Variants in MAD1L1 observed in about 807,000 individuals in gnomAD.
MAD1L1 encodes the protein mitotic arrest deficient 1 like 1.
A neutral mutation model predicts 96.9 loss-of-function variants in MAD1L1; 95 were observed. The observed-to-expected ratio is 0.98, with a 90% CI of 0.83 to 1.16. The LOEUF (loss-of-function observed/expected upper bound fraction) is 1.16, where lower values mean the gene tolerates loss of function less well. MAD1L1 is among the 50% of genes most tolerant of loss of function. MAD1L1 has a pLI of 0.00. For synonymous variants in MAD1L1, 473 were observed against 396.6 expected, an observed-to-expected ratio of 1.19 and a Z score of -2.29; for missense variants, 1,007 against 954.4, an observed-to-expected ratio of 1.06 and a Z score of -0.73.
chr7:2,098,871 G>T (rs1786635875), intron 11 of MAD1L1, among the ~76,000 whole-genome samples: 1 of 152,202 alleles, frequency 6.6e-6, no homozygotes, highest in Non-Finnish European at 1.5e-5. Context: ...GCCCCTGGAG[G>T]GCCAAATAAA....
chr7:1,825,426 G>C (rs1433627616), intron 18 of MAD1L1, among the ~76,000 whole-genome samples: 1 of 152,250 alleles, frequency 6.6e-6, no homozygotes, highest in Admixed American at 6.5e-5. Flanking sequence ...GGGTCACAGC[G>C]TGAGCCCAGC....
At chr7:2,078,662 G>A (rs550837250) in intron 11 of MAD1L1, among the ~76,000 whole-genome samples, 1 of 152,332 alleles carries the variant, frequency 6.6e-6, no homozygotes, top group Non-Finnish European at 1.5e-5. Flanking sequence ...CGGCTGCAGG[G>A]GGTGCTCCTG....
intron 12 of MAD1L1, among the ~76,000 whole-genome samples, chr7:2,046,854 C>G (rs1163738055): frequency 4.6e-5 from 7 of 152,192 alleles, no homozygotes; most frequent in Non-Finnish European, 1.5e-5. Context: ...GGAGGAGGAG[C>G]AGCGCTCCCT....
At chr7:1,855,115 CGT>C (rs759573478) in intron 18 of MAD1L1, among the ~76,000 whole-genome samples, 4 of 152,148 alleles carry the variant, frequency 2.6e-5, no homozygotes, top group African/African-American at 7.2e-5. Context: ...AAGAGCCGCG[CGT>C]GTTTGCCGGC....
At chr7:2,032,536 A>G (rs980073508) in intron 12 of MAD1L1, among the ~76,000 whole-genome samples, 4 of 152,184 alleles carry the variant, frequency 2.6e-5, no homozygotes, top group African/African-American at 9.7e-5. Flanking sequence ...TCCTTCCTCA[A>G]CTGAAAGCTC....
chr7:1,903,973 G>A (rs1787447025), intron 17 of MAD1L1, among the ~76,000 whole-genome samples: 1 of 123,052 alleles, frequency 8.1e-6, no homozygotes, highest in South Asian at 2.8e-4. Flanking sequence ...CGGAACTCAT[G>A]ATTGATGAAG....
intron 18 of MAD1L1, among the ~76,000 whole-genome samples, chr7:1,855,137 T>C (rs988425216): frequency 1.3e-5 from 2 of 152,206 alleles, no homozygotes; most frequent in African/African-American, 4.8e-5. Context: ...CCGACAGCTC[T>C]GTGGTCCTGT....
intron 12 of MAD1L1, among the ~76,000 whole-genome samples, chr7:2,017,694 C>T (rs990365172): frequency 7.2e-5 from 11 of 152,198 alleles, no homozygotes; most frequent in African/African-American, 2.7e-4. Context: ...GATAATGACG[C>T]TCATTCCCTC....
chr7:2,004,726 T>C (rs1781954166), intron 13 of MAD1L1, among the ~76,000 whole-genome samples: 1 of 152,248 alleles, frequency 6.6e-6, no homozygotes, highest in African/African-American at 2.4e-5. Flanking sequence ...ATCAGGTTTC[T>C]GTGAGGACAG....
rs900066128 is a variant in MAD1L1, at chr7:2,119,056, G to A, written c.1073+30096C>T. On this transcript the variant is annotated intron_variant, in intron 11 of 18. Coordinates refer to ENST00000265854, the MANE Select transcript of MAD1L1 (RefSeq NM_001013836.2). This position sits in a 1 kb window ranked among gnomAD's most constrained non-coding sequence, Gnocchi z 4.6. ...CGGTCTGCCTCCCAGACCCCTGCGCGGACAAGCAGGAGCGGCTGGGCTCGA... is the reference window on the plus strand; with the variant it reads ...CGGTCTGCCTCCCAGACCCCTGCGCAGACAAGCAGGAGCGGCTGGGCTCGA... 3.3e-5 allele frequency among the ~76,000 whole-genome samples: 5 copies of A among 152,006 alleles called. No individual in the cohort carries two copies. The highest frequency in any genetic ancestry group is 2.1e-4 in the South Asian group (1 of 4,806).
intron 18 of MAD1L1, among the ~76,000 whole-genome samples, chr7:1,892,495 G>C (rs1786609088): frequency 6.6e-6 from 1 of 152,204 alleles, no homozygotes; most frequent in Non-Finnish European, 1.5e-5. Flanking sequence ...TACTGGTTGA[G>C]TAAGCATCTC....
At chr7:1,843,058 G>A (rs998908440) in intron 18 of MAD1L1, among the ~76,000 whole-genome samples, 7 of 152,266 alleles carry the variant, frequency 4.6e-5, no homozygotes, top group Admixed American at 6.5e-5. Context: ...TCCCTCTGGG[G>A]ACCATCTGGA....
rs544108366 is a variant in MAD1L1 at position 2,038,946 on chromosome 7, C to T, written c.1219-24304G>A. Among the ~76,000 whole-genome samples, 159 of 152,298 alleles carry T rather than the reference C, an allele frequency of 1.0e-3. 1 individual carries two copies. Among genetic ancestry groups the T allele is most frequent in the African/African-American group, 3.8e-3 (157 of 41,562 alleles). ...GCACAACTACAGCACAGTATCACAA[C>T]CCGTATGCCGACAATGATACAGTCA... On this transcript the variant is annotated intron_variant, in intron 12 of 18. Coordinates refer to ENST00000265854, the MANE Select transcript of MAD1L1 (RefSeq NM_001013836.2).
chr7:1,883,525 C>T (rs1243294781), intron 18 of MAD1L1, among the ~76,000 whole-genome samples: 1 of 152,238 alleles, frequency 6.6e-6, no homozygotes, highest in Non-Finnish European at 1.5e-5. Flanking sequence ...GAAGGCCAAG[C>T]TCCAGTGTCC....
intron 10 of MAD1L1, among the ~76,000 whole-genome samples, chr7:2,162,492 TTGTTCACG>T (rs1388038907): frequency 6.6e-6 from 1 of 151,922 alleles, no homozygotes; most frequent in Non-Finnish European, 1.5e-5. Flanking sequence ...CCAGAGACCT[TTGTTCACG>T]TGTTTATCTG....
chr7:2,129,683 C>CAGAA (rs1377333034), intron 11 of MAD1L1, among the ~76,000 whole-genome samples: 1 of 152,222 alleles, frequency 6.6e-6, no homozygotes, highest in Non-Finnish European at 1.5e-5. Context: ...CAGCTGGACA[C>CAGAA]GCAGGCTCGA....
chr7:1,896,841 A>G (rs531852217), intron 18 of MAD1L1, among the ~76,000 whole-genome samples: 55 of 152,362 alleles, frequency 3.6e-4, no homozygotes, highest in Non-Finnish European at 6.3e-4. Context: ...ATGTTAAGTG[A>G]TAACTGTTCA....
intron 11 of MAD1L1, among the ~76,000 whole-genome samples, chr7:2,135,063 C>G (rs1337889854): frequency 6.6e-6 from 1 of 152,222 alleles, no homozygotes; most frequent in African/African-American, 2.4e-5. Flanking sequence ...ACACCCCCTA[C>G]AATCTAATCA....
Position 1,815,969 on chromosome 7 carries a change from CTGGAGAGGCA to C in MAD1L1, c.*91_*100del. The stretch of plus-strand genomic sequence containing the variant: ...TCAGTCATGCTGCTGCCCTGTGGGG[CTGGAGAGGCA>C]GGACGTGCACCCAGCCTGTGGCTGG... On this transcript the variant is annotated 3_prime_UTR_variant, in exon 19 of 19. Coordinates refer to ENST00000265854, the MANE Select transcript of MAD1L1 (RefSeq NM_001013836.2). The C allele has an allele frequency of 7.4e-7, 1 of 1,343,286 alleles. No homozygotes were observed. Among genetic ancestry groups the C allele is most frequent in the Non-Finnish European group, 1.0e-6 (1 of 998,972 alleles). 83.2% of individuals were successfully genotyped at this position (1,343,286 alleles called of 1,614,324 possible).
Sources: gnomAD v4.1 joint callset for allele counts (sites outside exome capture counted in the v4.1 genomes callset) on GRCh38, gnomAD v4.1.1 for gene constraint, Gnocchi (gnomAD v3.1) non-coding constraint, MANE v1.5 for transcripts, NCBI Gene and HGNC (gene_info 2026-07-23, HGNC 2026-07-21) for gene names.